The following IL23R variants were observed in gnomAD, a reference collection of about 807,000 sequenced individuals.
IL23R encodes interleukin 23 receptor.
In IL23R, 34 loss-of-function variants were observed where a neutral mutation model predicts 56.9. The ratio of observed to expected loss-of-function variants is 0.60; its 90% CI spans 0.45 to 0.80. The LOEUF is 0.80. IL23R is among the 30% of genes least tolerant of loss of function. The pLI, the probability that IL23R is intolerant of heterozygous loss-of-function variation, is 0.00. For missense variants in IL23R, 635 were observed against 730.0 expected (o/e 0.87, Z 1.50); for synonymous variants, 230 against 249.2 (o/e 0.92, Z 0.73).
intron 3 of IL23R, among the ~76,000 whole-genome samples, 187 bp downstream of exon 3, chr1:67,169,825 C>T (rs965262779): frequency 2.0e-5 from 3 of 152,196 alleles, no homozygotes; most frequent in Non-Finnish European, 4.4e-5. Flanking sequence ...GTAGCCACTG[C>T]CCAGATCCAG....
At chr1:67,235,394 T>C (rs1404815153) in intron 7 of IL23R, among the ~76,000 whole-genome samples, 1 of 41,406 alleles carries the variant, frequency 2.4e-5, no homozygotes, top group Admixed American at 3.5e-4. Context: ...TTTTTCTTTT[T>C]TCTTTTTTTT....
intron 7 of IL23R, among the ~76,000 whole-genome samples, chr1:67,226,078 A>G (rs1407852814): frequency 6.6e-6 from 1 of 152,192 alleles, no homozygotes; most frequent in Admixed American, 6.5e-5. Flanking sequence ...GCACATGCTC[A>G]AACCCGTTAC....
rs1341279324 is a variant in IL23R, at chr1:67,207,087, T to G, written c.798+32T>G. The stretch of plus-strand genomic sequence containing the variant: ...TCAACTTTCATTATGCTTTAGCATG[T>G]GAATGAATGATTTAAAAGCCAACCA... On this transcript the variant is annotated intron_variant, in intron 6 of 10. Coordinates refer to ENST00000347310, the MANE Select transcript of IL23R (RefSeq NM_144701.3). 2.5e-6 allele frequency: 4 copies of G among 1,609,140 alleles called. No homozygotes were observed. The Admixed American group carries it at 5.0e-5, about 20-fold the overall frequency.
At chr1:67,140,553 G>C (rs1331588526) in intron 1 of IL23R, among the ~76,000 whole-genome samples, 1 of 152,106 alleles carries the variant, frequency 6.6e-6, no homozygotes, top group East Asian at 1.9e-4. Flanking sequence ...AAGGAACAGA[G>C]AAAGATGCAC....
chr1:67,246,801 G>A (rs1652254223), intron 9 of IL23R, among the ~76,000 whole-genome samples: 1 of 152,154 alleles, frequency 6.6e-6, no homozygotes, highest in South Asian at 2.1e-4. Context: ...GATTTGGGGT[G>A]GACAGTTCTG....
chr1:67,255,596 A>T (rs1652896898), intron 9 of IL23R, among the ~76,000 whole-genome samples: 1 of 151,568 alleles, frequency 6.6e-6, no homozygotes, highest in African/African-American at 2.4e-5. Flanking sequence ...GCACCACCAC[A>T]CCCAGCTAAT....
intron 1 of IL23R, among the ~76,000 whole-genome samples, chr1:67,161,134 G>A (rs1646814694): frequency 6.6e-6 from 1 of 152,102 alleles, no homozygotes; most frequent in Non-Finnish European, 1.5e-5. Context: ...TTTTGAAGCA[G>A]ACAGAACAAG....
In IL23R at chr1:67,181,324, G is replaced by C. The variant is rs146093767; in HGVS notation, c.368-1512G>C. On this transcript the variant is annotated intron_variant, in intron 3 of 10. Coordinates refer to ENST00000347310, the MANE Select transcript of IL23R (RefSeq NM_144701.3). ...TAGTCCCGTATTTCTTGGAGGCTTTGTTCATTTCTTTTTATTCTTTTTCCT... is the reference window on the plus strand; with the variant it reads ...TAGTCCCGTATTTCTTGGAGGCTTTCTTCATTTCTTTTTATTCTTTTTCCT... Among the ~76,000 whole-genome samples the C allele has an allele frequency of 3.5e-3, 538 of 152,218 alleles. 2 individuals carry two copies. The highest frequency in any genetic ancestry group is 0.012 in the African/African-American group (500 of 41,526).
At chr1:67,182,708 C>A in intron 3 of IL23R, 128 bp from the exon 4 acceptor site, 2 of 941,206 alleles carry the variant, frequency 2.1e-6, no homozygotes, top group East Asian at 5.1e-5. Flanking sequence ...ATGAAGAAAT[C>A]GTTCGTCTTC....
At chr1:67,163,316 A>G (rs776286329), upstream of IL23R, among the ~76,000 whole-genome samples, 4 of 151,536 alleles carry the variant, frequency 2.6e-5, no homozygotes, top group Non-Finnish European at 4.4e-5. Flanking sequence ...AAAATATACA[A>G]AAATTAGCCA....
chr1:67,198,783 C>A (rs1332943278), intron 4 of IL23R, among the ~76,000 whole-genome samples: 1 of 152,100 alleles, frequency 6.6e-6, no homozygotes, highest in Non-Finnish European at 1.5e-5. Flanking sequence ...CATGTCTACA[C>A]AAAATACAAA....
In IL23R at chr1:67,178,037, G is replaced by C. The variant is rs148225407; in HGVS notation, c.368-4799G>C. Among the ~76,000 whole-genome samples the C allele has an allele frequency of 3.7e-3, 566 of 152,058 alleles. 5 individuals carry two copies. The highest frequency in any genetic ancestry group is 0.013 in the African/African-American group (540 of 41,328). On this transcript the variant is annotated intron_variant, in intron 3 of 10. Transcript: ENST00000347310. ...TTACTGTAGCCTTGTAGTATAGTTT[G>C]AAGTCAGGTAGCATGATGCCTCCGG...
chr1:67,164,506 T>C (rs1646852639), upstream of IL23R, among the ~76,000 whole-genome samples: 1 of 151,966 alleles, frequency 6.6e-6, no homozygotes, highest in Non-Finnish European at 1.5e-5. Flanking sequence ...TGGTGGCACA[T>C]GTGTAATCCC....
rs1558254018 is a variant in IL23R, at chr1:67,228,009, TCTTTCTTTCTTC to T, written c.955+8291_955+8302del. ...TTCTTTCTTTCTTTCTTTCTTTCTT[TCTTTCTTTCTTC>T]CTTTCTTTCTTTTCTTTCTTTCTCT... is the stretch of plus-strand genomic sequence containing the variant. On this transcript the variant is annotated intron_variant, in intron 7 of 10. Transcript: ENST00000347310. Among the ~76,000 whole-genome samples the T allele has an allele frequency of 3.0e-4, 33 of 108,396 alleles. 1 individual carries two copies. The highest frequency in any genetic ancestry group is 6.5e-4 in the East Asian group (3 of 4,606). 71.1% of individuals were successfully genotyped at this position (108,396 alleles called of 152,430 possible).
intron 1 of IL23R, among the ~76,000 whole-genome samples, chr1:67,156,509 G>T (rs2180295): frequency 0.49 from 74,734 of 151,920 alleles, 18,825 homozygotes; most frequent in South Asian, 0.63. Flanking sequence ...AAGATGCCTT[G>T]CCCAGTGAGG....
chr1:67,249,111 C>T (rs1652451069), intron 9 of IL23R, among the ~76,000 whole-genome samples: 2 of 152,222 alleles, frequency 1.3e-5, no homozygotes, highest in African/African-American at 2.4e-5. Context: ...CCTATTCAGC[C>T]ACCTTGCCAG....
intron 7 of IL23R, among the ~76,000 whole-genome samples, chr1:67,228,251 T>A (rs1375853433): frequency 6.7e-6 from 1 of 149,314 alleles, no homozygotes; most frequent in African/African-American, 2.5e-5. Flanking sequence ...TGGAGTGCAG[T>A]GGTGTGATCT....
intron 1 of IL23R, among the ~76,000 whole-genome samples, chr1:67,144,717 A>G (rs188099166): frequency 1.3e-5 from 2 of 151,906 alleles, no homozygotes; most frequent in East Asian, 3.9e-4. Context: ...TTTTTCTTCT[A>G]GCTTCTTAAA....
chr1:67,184,107 G>A (rs546764307), intron 4 of IL23R, among the ~76,000 whole-genome samples: 4 of 151,560 alleles, frequency 2.6e-5, no homozygotes, highest in East Asian at 1.9e-4. Flanking sequence ...GGTGGTGGGC[G>A]CCTGTAATCC....
Sources: gnomAD v4.1 joint callset for allele counts (sites outside exome capture counted in the v4.1 genomes callset) on GRCh38, gnomAD v4.1.1 for gene constraint, MANE v1.5 for transcripts, NCBI Gene and HGNC (gene_info 2026-07-23, HGNC 2026-07-21) for gene names.